ZNF584: variants seen among roughly 807,000 people sequenced by gnomAD.
ZNF584 encodes zinc finger protein 584.
In ZNF584, 12 loss-of-function variants were observed where a neutral mutation model predicts 14.7. That is an observed-to-expected ratio of 0.82 (90% CI 0.52 to 1.32). The LOEUF (loss-of-function observed/expected upper bound fraction) is 1.32, where lower values mean the gene tolerates loss of function less well. Among genes scored for constraint, ZNF584 ranks in the 40% most tolerant of loss-of-function variants. The probability of loss-of-function intolerance (pLI) is 0.00; values close to 1 mark genes in which losing one functional copy is unlikely to be tolerated. For synonymous variants in ZNF584, 204 were observed against 190.9 expected, an observed-to-expected ratio of 1.07 and a Z score of -0.57; for missense variants, 478 against 518.8, an observed-to-expected ratio of 0.92 and a Z score of 0.76.
Position 58,409,958 on chromosome 19 carries a change from A to G in ZNF584, c.36A>G (p.Ser12=). Residue 12 remains serine, a synonymous_variant, in exon 2 of 4, where the codon TCA becomes TCG. Transcript: ENST00000306910. The part of the protein sequence containing the change: ...AGEAEAQLDP[S]LQGLVMFEDV... ...ACCCCAAGGCTCAGTTGGACCCATC[A>G]TTGCAGGGCTTGGTGATGTTTGAGG... 3 of 1,614,026 alleles carry G rather than the reference A, an allele frequency of 1.9e-6. No homozygotes were observed. The highest frequency in any genetic ancestry group is 1.3e-5 in the African/African-American group (1 of 74,962).
intron 2 of ZNF584, among the ~76,000 whole-genome samples, chr19:58,413,208 T>A (rs1489168531): frequency 6.6e-6 from 1 of 152,162 alleles, no homozygotes; most frequent in Non-Finnish European, 1.5e-5. Context: ...TTCTTGTTCC[T>A]TGAGGTATAA....
In ZNF584 at chr19:58,416,403, ATTT is replaced by A. The variant is rs143334237; in HGVS notation, c.293-393_293-391del. 3.2e-3 allele frequency: 429 copies of A among 133,034 alleles called. 1 individual carries two copies. The highest frequency in any genetic ancestry group is 4.1e-3 in the Non-Finnish European group (263 of 64,170). 8.2% of individuals were successfully genotyped at this position (133,034 alleles called of 1,614,324 possible). A position where few individuals can be genotyped will look rare whatever the true frequency, so the allele number is the denominator to read the frequency against. On this transcript the variant is annotated intron_variant, in intron 3 of 3. Transcript: ENST00000306910. The stretch of plus-strand genomic sequence containing the variant: ...AGGCGCCTGCCACCATGCCTGGCTA[ATTT>A]TTTTTTTTTTTTTTGAGTCGGAGTT...
chr19:58,410,583 GTA>G (rs373955379), intron 2 of ZNF584, among the ~76,000 whole-genome samples: 4,510 of 26,674 alleles, frequency 0.17, 1,075 homozygotes, highest in Middle Eastern at 0.28. Flanking sequence ...GTATATATAT[GTA>G]TATATATGTA....
rs3764533 is a variant in ZNF584 at position 58,417,827 on chromosome 19, A to G, written c.*43A>G. On this transcript the variant is annotated 3_prime_UTR_variant, in exon 4 of 4. Coordinates refer to ENST00000306910, the MANE Select transcript of ZNF584 (RefSeq NM_173548.3). ...AAGGTCTTATTCCAGAAAGGAGGTT[A>G]AGGAGAGTGGCCGTGAGAGTGCCAT... The G allele has an allele frequency of 0.47, 730,326 of 1,550,228 alleles. 174,664 individuals are homozygous for G. The highest frequency in any genetic ancestry group is 0.57 in the African/African-American group (41,320 of 72,968).
chr19:58,414,534 G>C (rs1303482978), intron 2 of ZNF584, among the ~76,000 whole-genome samples: 3 of 151,510 alleles, frequency 2.0e-5, no homozygotes, highest in East Asian at 3.9e-4. Flanking sequence ...AGTAGAGATG[G>C]GGTTTCACTG....
chr19:58,406,719 T>C (rs1012794191), upstream of ZNF584: 1 of 152,316 alleles, frequency 6.6e-6, no homozygotes, highest in Non-Finnish European at 1.5e-5. Context: ...CATCAATCAG[T>C]GCTCTTGTCT....
intron 3 of ZNF584, 129 bp from the exon 4 acceptor site, chr19:58,416,682 G>A (rs990411749): frequency 6.4e-6 from 8 of 1,241,826 alleles, no homozygotes; most frequent in African/African-American, 3.0e-5. Flanking sequence ...GATTACAGGC[G>A]TGAGCCACCA....
Position 58,418,144 on chromosome 19 carries a change from G to C in ZNF584, c.*360G>C. 1 of 247,376 alleles carries C rather than the reference G, an allele frequency of 4.0e-6. No homozygotes were observed. Among genetic ancestry groups the C allele is most frequent in the Non-Finnish European group, 7.8e-6 (1 of 127,872 alleles). 15.3% of individuals were successfully genotyped at this position (247,376 alleles called of 1,614,324 possible). A position where few individuals can be genotyped will look rare whatever the true frequency, so the allele number is the denominator to read the frequency against. On this transcript the variant is annotated 3_prime_UTR_variant, in exon 4 of 4. Coordinates refer to ENST00000306910, the MANE Select transcript of ZNF584 (RefSeq NM_173548.3). The stretch of plus-strand genomic sequence containing the variant: ...CCTACCCTTGACTGGTTTAGCTGTG[G>C]ACATGACCCACCTCTGGCCGGAGGA...
intron 2 of ZNF584, among the ~76,000 whole-genome samples, chr19:58,412,296 G>A (rs1323052379): frequency 4.2e-5 from 6 of 141,496 alleles, no homozygotes; most frequent in Admixed American, 2.2e-4. Context: ...TGCAAGCTCC[G>A]CTTCCCGGGT....
At chr19:58,404,899 G>A (rs1425756104), upstream of ZNF584, 2 of 153,748 alleles carry the variant, frequency 1.3e-5, no homozygotes, top group Non-Finnish European at 2.8e-5. Context: ...GGACGGGGCG[G>A]CTGGCCAGGC....
chr19:58,409,934 C>A lies in ZNF584; in HGVS notation c.19-7C>A. The A allele has an allele frequency of 6.2e-7, 1 of 1,614,030 alleles. No homozygotes were observed. The highest frequency in any genetic ancestry group is 1.1e-5 in the South Asian group (1 of 91,066). On this transcript the variant is annotated splice_polypyrimidine_tract_variant and splice_region_variant and intron_variant, in intron 1 of 3. Transcript: ENST00000306910. ...GTTGTTTTTTTCTGCCCATCATTGA[C>A]CCCAAGGCTCAGTTGGACCCATCAT...
At position 58,417,530 on chromosome 19, in the gene ZNF584, C is replaced by T. The variant is rs201289952; in HGVS notation, c.1012C>T (p.Arg338Cys). The change falls in exon 4 of 4, where the codon CGT becomes TGT. Residue 338 changes from arginine to cysteine, a missense_variant. Physicochemically the swap from Arg to Cys is radical, Grantham distance 180. This residue lies in a region of ZNF584 where 283 missense variants were observed against 317.3 expected (regional missense o/e 0.89). Coordinates refer to ENST00000306910, the MANE Select transcript of ZNF584 (RefSeq NM_173548.3). ...CKQCGKGYVT[R>C]SGLYQHWKVH... is the part of the protein sequence containing the mutation. ...GCAATGTGGGAAAGGCTACGTGACC[C>T]GTTCAGGCCTCTATCAGCACTGGAA... 9 of 1,614,060 alleles carry T rather than the reference C, an allele frequency of 5.6e-6. No individual in the cohort carries two copies. Among genetic ancestry groups the T allele is most frequent in the Non-Finnish European group, 6.8e-6 (8 of 1,180,040 alleles).
upstream of ZNF584, chr19:58,404,121 C>G (rs796175254): frequency 3.9e-5 from 6 of 152,508 alleles, no homozygotes; most frequent in African/African-American, 1.4e-4. Flanking sequence ...CTCCCACTGG[C>G]TTTATGACTC....
intron 1 of ZNF584, among the ~76,000 whole-genome samples, chr19:58,402,059 A>G (rs2052435183): frequency 6.6e-6 from 1 of 151,860 alleles, no homozygotes; most frequent in African/African-American, 2.4e-5. Context: ...ACAGAGCGAG[A>G]GACTCCGTTT....
upstream of ZNF584, chr19:58,408,275 C>G (rs2052492297): frequency 6.6e-6 from 1 of 152,386 alleles, no homozygotes; most frequent in Non-Finnish European, 1.5e-5. Flanking sequence ...CGAACGCCCC[C>G]GCGCGGCGCG....
At position 58,408,834 on chromosome 19, in the gene ZNF584, A is replaced by G; in HGVS notation, c.-314A>G. On this transcript the variant is annotated 5_prime_UTR_variant, in exon 1 of 4. Transcript: ENST00000306910. ...AGGCAGCTCTGCGTGGGCCGGGGTG[A>G]CTTCCTCGCGATCCCCTGCGCGAGG... 3.2e-6 allele frequency: 1 copy of G among 316,942 alleles called. No homozygotes were observed. The highest frequency in any genetic ancestry group is 5.8e-6 in the Non-Finnish European group (1 of 171,294). 19.6% of individuals were successfully genotyped at this position (316,942 alleles called of 1,614,324 possible).
intron 2 of ZNF584, among the ~76,000 whole-genome samples, chr19:58,413,579 T>A (rs997059288): frequency 3.3e-5 from 5 of 151,338 alleles, no homozygotes; most frequent in Non-Finnish European, 7.4e-5. Context: ...CGATCTTGGC[T>A]CACTGCAACC....
intron 2 of ZNF584, among the ~76,000 whole-genome samples, chr19:58,410,543 A>AATTTTTTTTTTTTTTTTT (rs1568584349): frequency 4.3e-5 from 1 of 23,160 alleles, no homozygotes; most frequent in African/African-American, 2.5e-4. Flanking sequence ...ATATATATAT[A>AATTTTTTTTTTTTTTTTT]TATATATATA....
rs1254022058 is a variant in ZNF584, at chr19:58,410,631, ATG to A, written c.169+544_169+545del. On this transcript the variant is annotated intron_variant, in intron 2 of 3. Coordinates refer to ENST00000306910, the MANE Select transcript of ZNF584 (RefSeq NM_173548.3). Reference sequence around the variant, plus strand: ...TATATATGTGTATATATGTGTATATATGTGTATATATATGTGTATATATGTGT... The same window carrying A: ...TATATATGTGTATATATGTGTATATATGTATATATATGTGTATATATGTGT... 8.6e-5 allele frequency among the ~76,000 whole-genome samples: 4 copies of A among 46,444 alleles called. 1 individual carries two copies. Among genetic ancestry groups the A allele is most frequent in the African/African-American group, 3.6e-4 (2 of 5,610 alleles). 30.5% of individuals were successfully genotyped at this position (46,444 alleles called of 152,430 possible).
Sources: allele counts gnomAD v4.1 joint callset (sites outside exome capture counted in the v4.1 genomes callset), GRCh38; gene constraint gnomAD v4.1.1; regional missense constraint gnomAD v4.1.1; transcripts MANE v1.5; gene names NCBI Gene and HGNC (gene_info 2026-07-23, HGNC 2026-07-21).